EPB41: variants seen among roughly 807,000 people sequenced by gnomAD.
EPB41 encodes erythrocyte membrane protein band 4.1, also known as protein 4.1.
A neutral mutation model predicts 108.0 loss-of-function variants in EPB41; 65 were observed. The observed-to-expected ratio is 0.60, with a 90% CI of 0.49 to 0.74. EPB41 has a LOEUF of 0.74. EPB41 is among the 30% of genes least tolerant of loss of function. The pLI is 0.00. For synonymous variants in EPB41, 336 were observed against 358.9 expected, an observed-to-expected ratio of 0.94 and a Z score of 0.72; for missense variants, 875 against 1,037.0, an observed-to-expected ratio of 0.84 and a Z score of 2.15.
chr1:29,111,622 C>T (rs566680329), intron 18 of EPB41, among the ~76,000 whole-genome samples: 88 of 151,762 alleles, frequency 5.8e-4, no homozygotes, highest in African/African-American at 1.9e-3. Flanking sequence ...CACTGTACTC[C>T]AGCCTGGGCG....
At chr1:28,983,612 C>T (rs998835895) in intron 1 of EPB41, among the ~76,000 whole-genome samples, 8 of 152,222 alleles carry the variant, frequency 5.3e-5, no homozygotes, top group Middle Eastern at 3.4e-3. Context: ...AAGGAGCGTG[C>T]GAGTGAACGA....
At chr1:28,923,482 A>G (rs2093261974) in intron 1 of EPB41, among the ~76,000 whole-genome samples, 1 of 152,204 alleles carries the variant, frequency 6.6e-6, no homozygotes, top group Non-Finnish European at 1.5e-5. Flanking sequence ...ATTGTAATAT[A>G]AAAAGCTGAT....
chr1:28,928,892 C>T (rs1442413912), intron 1 of EPB41, among the ~76,000 whole-genome samples: 1 of 152,154 alleles, frequency 6.6e-6, no homozygotes, highest in Non-Finnish European at 1.5e-5. Flanking sequence ...CAGTGCAATA[C>T]AGTCAAAGAT....
Position 29,097,930 on chromosome 1 carries a change from G to T in EPB41, c.2308G>T (p.Ala770Ser), listed in dbSNP as rs756938979. 1 of 1,613,990 alleles carries T rather than the reference G, an allele frequency of 6.2e-7. No individual in the cohort carries two copies. The highest frequency in any genetic ancestry group is 8.5e-7 in the Non-Finnish European group (1 of 1,179,878). Residue 770 changes from alanine to serine, a missense_variant, in exon 17 of 21, where the codon GCC becomes TCC. Ala to Ser is a moderately conservative substitution (Grantham distance 99, BLOSUM62 1). This residue lies in a region of EPB41 where 519 missense variants were observed against 627.3 expected (regional missense o/e 0.83). Coordinates refer to ENST00000343067, the MANE Select transcript of EPB41 (RefSeq NM_001376013.1). ...GACCAAGACCATCACTTATGAGGCTGCCCAGGTAGGACATGTTTTGATGCT... is the reference window on the plus strand; with the variant it reads ...GACCAAGACCATCACTTATGAGGCTTCCCAGGTAGGACATGTTTTGATGCT... ...TETKTITYEA[A>S]QTDDNSGDLD...
chr1:28,937,555 C>G (rs370282593), intron 1 of EPB41, among the ~76,000 whole-genome samples: 3 of 152,054 alleles, frequency 2.0e-5, no homozygotes, highest in African/African-American at 7.3e-5. Context: ...CCACCATGCT[C>G]GGCTAATTTT....
At chr1:28,995,420 GGT>G (rs1362704237) in intron 3 of EPB41, among the ~76,000 whole-genome samples, 1 of 152,118 alleles carries the variant, frequency 6.6e-6, no homozygotes, top group African/African-American at 2.4e-5. Flanking sequence ...AAATTAGCTG[GGT>G]GTGGTGGCAC....
chr1:28,990,639 G>A (rs1405124925), intron 2 of EPB41, among the ~76,000 whole-genome samples: 1 of 151,844 alleles, frequency 6.6e-6, no homozygotes, highest in Non-Finnish European at 1.5e-5. Context: ...GGCTGGTCTT[G>A]AACTCCTGAA....
chr1:29,085,996 G>C (rs1339425633), intron 16 of EPB41, among the ~76,000 whole-genome samples: 1 of 152,046 alleles, frequency 6.6e-6, no homozygotes, highest in Non-Finnish European at 1.5e-5. Context: ...AGCCTATTAA[G>C]GCTTATTTTT....
At chr1:29,031,961 T>TGA (rs2096794678) in intron 8 of EPB41, 1 of 151,968 alleles carries the variant, frequency 6.6e-6, no homozygotes, top group South Asian at 2.1e-4. Flanking sequence ...TCAGGCATGG[T>TGA]GGCACGTGCC....
At chr1:28,916,788 C>T (rs190237161) in intron 1 of EPB41, among the ~76,000 whole-genome samples, 37 of 151,994 alleles carry the variant, frequency 2.4e-4, no homozygotes, top group Admixed American at 2.1e-3. Flanking sequence ...CCAAAATTCT[C>T]CCAACAATTT....
At chr1:28,904,346 C>T (rs1381628499) in intron 1 of EPB41, among the ~76,000 whole-genome samples, 1 of 151,960 alleles carries the variant, frequency 6.6e-6, no homozygotes, top group Non-Finnish European at 1.5e-5. Flanking sequence ...GAGGCTTTTA[C>T]CTTGAGGTTG....
At chr1:28,903,075 C>T (rs2091458273) in intron 1 of EPB41, among the ~76,000 whole-genome samples, 1 of 152,144 alleles carries the variant, frequency 6.6e-6, no homozygotes, top group Non-Finnish European at 1.5e-5. Context: ...ATAGTACCCA[C>T]TCTACAGGGT....
intron 4 of EPB41, among the ~76,000 whole-genome samples, chr1:28,999,929 A>G (rs1231334269): frequency 2.0e-5 from 3 of 152,048 alleles, no homozygotes; most frequent in Non-Finnish European, 4.4e-5. Context: ...GACCACAGGC[A>G]CGCACCACCA....
intron 11 of EPB41, among the ~76,000 whole-genome samples, chr1:29,040,360 A>G (rs1463255959): frequency 6.6e-6 from 1 of 151,916 alleles, no homozygotes; most frequent in Admixed American, 6.6e-5. Context: ...GCCCACTGCA[A>G]CCTCTGCCTA....
intron 2 of EPB41, among the ~76,000 whole-genome samples, chr1:28,990,566 G>A (rs947349664): frequency 1.3e-5 from 2 of 151,718 alleles, no homozygotes; most frequent in Non-Finnish European, 2.9e-5. Context: ...GACTACAGGT[G>A]CATGCCACAT....
At chr1:29,083,149 T>C (rs1573709647) in intron 16 of EPB41, among the ~76,000 whole-genome samples, 1 of 151,770 alleles carries the variant, frequency 6.6e-6, no homozygotes, top group South Asian at 2.1e-4. Context: ...GATATATTTC[T>C]AGCTAGAAAC....
At chr1:29,081,847 A>C (rs905307343) in intron 16 of EPB41, among the ~76,000 whole-genome samples, 3 of 151,720 alleles carry the variant, frequency 2.0e-5, no homozygotes, top group African/African-American at 7.3e-5. Context: ...AAAAAAAAAA[A>C]AAAAACCTAA....
At chr1:29,015,901 G>C in intron 6 of EPB41, 134 bp downstream of exon 6, 1 of 648,818 alleles carries the variant, frequency 1.5e-6, no homozygotes. Flanking sequence ...AGTAGCCTAG[G>C]ATTGAAAGTT....
At chr1:29,093,940 G>A (rs1451269265) in intron 16 of EPB41, among the ~76,000 whole-genome samples, 3 of 152,078 alleles carry the variant, frequency 2.0e-5, no homozygotes, top group Non-Finnish European at 4.4e-5. Flanking sequence ...TCCTATGTCC[G>A]GAATGCTATT....
Sources: gnomAD v4.1 joint callset for allele counts (sites outside exome capture counted in the v4.1 genomes callset) on GRCh38, gnomAD v4.1.1 for gene constraint, gnomAD v4.1.1 regional missense constraint, MANE v1.5 for transcripts, NCBI Gene and HGNC (gene_info 2026-07-23, HGNC 2026-07-21) for gene names.